SCPEP1: variants seen among roughly 807,000 people sequenced by gnomAD.
The protein encoded by SCPEP1 is retinoid-inducible serine carboxypeptidase.
SCPEP1 carries 51 observed loss-of-function variants against 63.8 expected under a neutral mutation model. The ratio of observed to expected loss-of-function variants is 0.80; its 90% CI spans 0.64 to 1.01. The LOEUF (loss-of-function observed/expected upper bound fraction) is 1.01. SCPEP1 is among the 50% of genes least tolerant of loss of function. SCPEP1 has a pLI of 0.00. For synonymous variants in SCPEP1, 204 were observed against 207.8 expected (o/e 0.98, Z 0.16); for missense variants, 499 against 554.9 (o/e 0.90, Z 1.01).
rs752707116 is a variant in SCPEP1 at position 56,978,200 on chromosome 17, TGCTGCTGCTGCC to T, written c.52_63del (p.Pro18_Leu21del). On this transcript the variant is annotated inframe_deletion, in exon 1 of 13. Coordinates refer to ENST00000262288, the MANE Select transcript of SCPEP1 (RefSeq NM_021626.3). ...CGGCGCTCTCCCGTCCCGCGGTGGT[TGCTGCTGCTGCC>T]GCTGCTGCTGGGCCTGAACGCAGGT... 193 of 1,563,334 alleles carry T rather than the reference TGCTGCTGCTGCC, an allele frequency of 1.2e-4. No individual in the cohort carries two copies. Among genetic ancestry groups the T allele is most frequent in the Non-Finnish European group, 1.6e-4 (189 of 1,159,968 alleles).
intron 2 of SCPEP1, among the ~76,000 whole-genome samples, 188 bp downstream of exon 2, chr17:56,981,418 C>T (rs1317656128): frequency 6.6e-6 from 1 of 152,072 alleles, no homozygotes; most frequent in Admixed American, 6.6e-5. Flanking sequence ...AATCAGAGGG[C>T]GAGGGGGTTC....
intron 12 of SCPEP1, 135 bp downstream of exon 12, chr17:57,002,316 A>G: frequency 1.3e-6 from 1 of 795,574 alleles, no homozygotes; most frequent in Admixed American, 2.8e-5. Flanking sequence ...ACAGTGGCTC[A>G]TGCCTGTAAT....
At chr17:56,979,235 T>C (rs958114472) in intron 1 of SCPEP1, among the ~76,000 whole-genome samples, 3 of 152,194 alleles carry the variant, frequency 2.0e-5, no homozygotes, top group Non-Finnish European at 4.4e-5. Flanking sequence ...GTGATCTTCC[T>C]ACTTCAGCAT....
intron 3 of SCPEP1, among the ~76,000 whole-genome samples, chr17:56,986,372 A>G (rs1049357868): frequency 3.9e-5 from 6 of 151,996 alleles, no homozygotes; most frequent in Non-Finnish European, 7.4e-5. Flanking sequence ...GGCATGCGCC[A>G]GCACGCCCGG....
intron 11 of SCPEP1, among the ~76,000 whole-genome samples, chr17:57,001,683 C>T (rs186278658): frequency 1.4e-4 from 21 of 152,340 alleles, no homozygotes; most frequent in South Asian, 2.1e-4. Flanking sequence ...ATCTCGTTCA[C>T]GACATCTCTC....
At position 56,991,779 on chromosome 17, in the gene SCPEP1, T is replaced by A. The variant is rs111708977; in HGVS notation, c.619+608T>A. ...ACTCTAACACAGGGTTTCTCAGCAC[T>A]GTTGACATTGTGGGTCATATAGTTC... On this transcript the variant is annotated intron_variant, in intron 6 of 12. Transcript: ENST00000262288. Among the ~76,000 whole-genome samples the A allele has an allele frequency of 1.4e-3, 211 of 152,376 alleles. 1 individual carries two copies. Among genetic ancestry groups the A allele is most frequent in the African/African-American group, 4.8e-3 (201 of 41,594 alleles).
chr17:56,987,705 C>T lies in SCPEP1; in HGVS notation c.326C>T (p.Ala109Val). ...CTCCGTGGTACATAGCTCCAGGCTG[C>T]CAGTCTCCTATTTGTGGATAATCCC... ...KPRKTTWLQAASLLFVDNPVG... is the reference protein window; with the variant it reads ...KPRKTTWLQAVSLLFVDNPVG... Residue 109 changes from alanine (A) to valine (V), a missense_variant, in exon 4 of 13, where the codon GCC (alanine) becomes GTC (valine). Coordinates refer to ENST00000262288, the MANE Select transcript of SCPEP1 (RefSeq NM_021626.3). The T allele has an allele frequency of 6.2e-7, 1 of 1,613,440 alleles. No individual in the cohort carries two copies. Among genetic ancestry groups the T allele is most frequent in the Non-Finnish European group, 8.5e-7 (1 of 1,179,756 alleles).
chr17:57,006,560 G>A lies in SCPEP1; in HGVS notation c.*325G>A, dbSNP rs1468012575. The A allele has an allele frequency of 5.5e-6, 1 of 181,860 alleles. No individual in the cohort carries two copies. Among genetic ancestry groups the A allele is most frequent in the East Asian group, 1.4e-4 (1 of 7,344 alleles). 11.3% of individuals were successfully genotyped at this position (181,860 alleles called of 1,614,324 possible). A position where few individuals can be genotyped will look rare whatever the true frequency, so the allele number is the denominator to read the frequency against. On this transcript the variant is annotated 3_prime_UTR_variant, in exon 13 of 13. Coordinates refer to ENST00000262288, the MANE Select transcript of SCPEP1 (RefSeq NM_021626.3). The stretch of plus-strand genomic sequence containing the variant: ...ACTGGGAAATACAGGTACCCAAAGA[G>A]TAAATCAACATCTGTATACCCCCTT...
At chr17:57,005,608 G>A (rs1911859927) in intron 12 of SCPEP1, among the ~76,000 whole-genome samples, 1 of 152,100 alleles carries the variant, frequency 6.6e-6, no homozygotes, top group East Asian at 1.9e-4. Context: ...TGAGGCCTCT[G>A]CCCTTCCCCC....
At chr17:57,004,932 G>A (rs1678531383) in intron 12 of SCPEP1, among the ~76,000 whole-genome samples, 1 of 152,212 alleles carries the variant, frequency 6.6e-6, no homozygotes, top group African/African-American at 2.4e-5. Context: ...CATTAATACA[G>A]TGGAAAAGTT....
intron 1 of SCPEP1, among the ~76,000 whole-genome samples, chr17:56,978,718 C>CA (rs1417558690): frequency 1.3e-5 from 2 of 151,988 alleles, no homozygotes; most frequent in Non-Finnish European, 1.5e-5. Flanking sequence ...TCTTTTTTGG[C>CA]AAAAAACAGA....
intron 6 of SCPEP1, 109 bp from the exon 7 acceptor site, chr17:56,994,872 C>T (rs751851550): frequency 3.1e-5 from 30 of 978,146 alleles, no homozygotes; most frequent in Middle Eastern, 4.5e-4. Context: ...CCAAAGCCAC[C>T]GGGTTTCTTG....
At position 57,000,956 on chromosome 17, in the gene SCPEP1, T is replaced by C; in HGVS notation, c.1096T>C (p.Tyr366His). Residue 366 changes from tyrosine (Y) to histidine (H), a missense_variant, in exon 11 of 13, where the codon TAT becomes CAT. Transcript: ENST00000262288. The stretch of plus-strand genomic sequence containing the variant: ...GGAGGCAGGGATCAACGTGACGGTG[T>C]ATAATGGACAGCTGGATCTCATCGT... ...LLEAGINVTV[Y>H]NGQLDLIVDT... 5.0e-6 allele frequency: 8 copies of C among 1,614,126 alleles called. No homozygotes were observed. Among genetic ancestry groups the C allele is most frequent in the Non-Finnish European group, 6.8e-6 (8 of 1,180,022 alleles).
chr17:56,998,594 T>C, intron 10 of SCPEP1, 96 bp downstream of exon 10: 1 of 886,704 alleles, frequency 1.1e-6, no homozygotes, highest in South Asian at 1.4e-5. Flanking sequence ...GGTTTTGTTG[T>C]TGGTGATGAT....
chr17:56,989,950 A>G (rs1354057668), intron 5 of SCPEP1, among the ~76,000 whole-genome samples: 1 of 151,960 alleles, frequency 6.6e-6, no homozygotes, highest in Non-Finnish European at 1.5e-5. Context: ...AAAAAAAAAA[A>G]GAATGGATCT....
chr17:56,997,499 G>A (rs1342349312), intron 9 of SCPEP1, among the ~76,000 whole-genome samples: 1 of 152,146 alleles, frequency 6.6e-6, no homozygotes, highest in Non-Finnish European at 1.5e-5. Context: ...TCATCTTTCA[G>A]CCAACCAAGA....
At chr17:56,978,363 T>A (rs1478151981) in intron 1 of SCPEP1, 128 bp downstream of exon 1, 1 of 1,163,508 alleles carries the variant, frequency 8.6e-7, no homozygotes, top group Non-Finnish European at 1.1e-6. Context: ...GTAATTATAT[T>A]GCTTTTGAAT....
At chr17:56,979,706 A>G (rs572927233) in intron 1 of SCPEP1, among the ~76,000 whole-genome samples, 11 of 152,174 alleles carry the variant, frequency 7.2e-5, no homozygotes, top group African/African-American at 9.7e-5. Flanking sequence ...AATCATCTAC[A>G]TGAGTTAGGA....
chr17:56,980,005 CT>C (rs942200000), intron 1 of SCPEP1, among the ~76,000 whole-genome samples: 1 of 152,080 alleles, frequency 6.6e-6, no homozygotes, highest in African/African-American at 2.4e-5. Flanking sequence ...CTAAATTTCT[CT>C]TTTTTTCTCC....
Sources: gnomAD v4.1 joint callset for allele counts (sites outside exome capture counted in the v4.1 genomes callset) on GRCh38, gnomAD v4.1.1 for gene constraint, MANE v1.5 for transcripts, NCBI Gene and HGNC (gene_info 2026-07-23, HGNC 2026-07-21) for gene names.